TOB2: variants seen among roughly 807,000 people sequenced by gnomAD.
TOB2 encodes the protein protein Tob2.
Under a neutral mutation model 17.3 loss-of-function variants are expected in TOB2, and 3 were observed. That is an observed-to-expected ratio of 0.17 (90% CI 0.08 to 0.45). TOB2 has a LOEUF of 0.45. Among genes scored for constraint, TOB2 ranks in the 20% least tolerant of loss-of-function variants. TOB2 has a pLI of 0.99. For synonymous variants in TOB2, 163 were observed against 185.6 expected, an observed-to-expected ratio of 0.88 and a Z score of 0.99; for missense variants, 407 against 445.7, an observed-to-expected ratio of 0.91 and a Z score of 0.78.
Position 41,436,051 on chromosome 22 carries a change from AAAAAAAG to A in TOB2, c.*253_*259del, listed in dbSNP as rs1309292796. 1 of 385,258 alleles carries A rather than the reference AAAAAAAG, an allele frequency of 2.6e-6. No homozygotes were observed. Among genetic ancestry groups the A allele is most frequent in the Non-Finnish European group, 4.6e-6 (1 of 217,864 alleles). The allele number at this position is 385,258 out of a possible 1,614,324, so 23.9% of individuals were successfully genotyped here. On this transcript the variant is annotated 3_prime_UTR_variant, in exon 2 of 2. Coordinates refer to ENST00000327492, the MANE Select transcript of TOB2 (RefSeq NM_016272.4). The surrounding 1 kb of genome is among the most constrained non-coding windows in gnomAD (Gnocchi z 4.8). ...TATAGAAAACTACATGTAAGAAAAA[AAAAAAAG>A]AAAAAGAAATATAAAACCCAAACCA... is the stretch of plus-strand genomic sequence containing the variant.
intron 1 of TOB2, among the ~76,000 whole-genome samples, chr22:41,440,114 CTTTCTTTTTTTTTT>C (rs1268331712): frequency 1.8e-5 from 1 of 55,206 alleles, no homozygotes; most frequent in Non-Finnish European, 4.1e-5. Flanking sequence ...TTTTCTTTTT[CTTTCTTTTTTTTTT>C]TTTTTTTGAG....
chr22:41,445,234 C>G (rs1022540405), intron 1 of TOB2, among the ~76,000 whole-genome samples: 2 of 152,224 alleles, frequency 1.3e-5, no homozygotes, highest in Non-Finnish European at 2.9e-5. Flanking sequence ...AGCATCTTCT[C>G]ATACTAAAAT....
In TOB2 at chr22:41,437,150, G is replaced by T; in HGVS notation, c.196C>A (p.Pro66Thr). 6.2e-7 allele frequency: 1 copy of T among 1,614,064 alleles called. No homozygotes were observed. The highest frequency in any genetic ancestry group is 2.2e-5 in the East Asian group (1 of 44,870). The change falls in exon 2 of 2, where the codon CCC (proline) becomes ACC (threonine). Residue 66 changes from proline to threonine, a missense_variant. Pro to Thr is a conservative substitution (Grantham distance 38). Coordinates refer to ENST00000327492, the MANE Select transcript of TOB2 (RefSeq NM_016272.4). ...CGCTTGGCGGCCAGCTCCACCACGGGGTCCACCATCTCCCCAATGTGAACA... is the reference window on the plus strand; with the variant it reads ...CGCTTGGCGGCCAGCTCCACCACGGTGTCCACCATCTCCCCAATGTGAACA... ...RCVHIGEMVD[P>T]VVELAAKRSG...
At position 41,433,605 on chromosome 22, in the gene TOB2, C is replaced by G. The variant is rs766852985; in HGVS notation, c.*2706G>C. 19 of 236,144 alleles carry G rather than the reference C, an allele frequency of 8.0e-5. No homozygotes were observed. Among genetic ancestry groups the G allele is most frequent in the Admixed American group, 3.5e-4 (7 of 20,098 alleles). The allele number at this position is 236,144 out of a possible 1,614,324, so 14.6% of individuals were successfully genotyped here. A position where few individuals can be genotyped will look rare whatever the true frequency, so the allele number is the denominator to read the frequency against. On this transcript the variant is annotated 3_prime_UTR_variant, in exon 2 of 2. Coordinates refer to ENST00000327492, the MANE Select transcript of TOB2 (RefSeq NM_016272.4). ...TTTAAACTAAAATCTCTAAACACACCAATGTCCCATTCCAAAATATTGCAC... is the reference window on the plus strand; with the variant it reads ...TTTAAACTAAAATCTCTAAACACACGAATGTCCCATTCCAAAATATTGCAC...
chr22:41,443,101 A>G (rs944629371), intron 1 of TOB2, among the ~76,000 whole-genome samples: 16 of 152,312 alleles, frequency 1.1e-4, no homozygotes, highest in African/African-American at 3.8e-4. Flanking sequence ...TCCAGCAGCA[A>G]AGTTAAACCT....
intron 1 of TOB2, among the ~76,000 whole-genome samples, chr22:41,443,710 G>C (rs169365): frequency 7.1e-6 from 1 of 141,350 alleles, no homozygotes. Context: ...CGCAACCTCC[G>C]CCTCCCAGGT....
chr22:41,443,195 G>A (rs2037637460), intron 1 of TOB2, among the ~76,000 whole-genome samples: 3 of 152,180 alleles, frequency 2.0e-5, no homozygotes, highest in Non-Finnish European at 4.4e-5. Flanking sequence ...GGGGCGTGAA[G>A]CTCAAAAGAA....
intron 1 of TOB2, among the ~76,000 whole-genome samples, chr22:41,445,099 G>A (rs1318872707): frequency 6.6e-6 from 1 of 152,262 alleles, no homozygotes; most frequent in Non-Finnish European, 1.5e-5. Context: ...GAGGCGCCAG[G>A]CCAAGGCCAG....
At chr22:41,440,953 G>A (rs932433320) in intron 1 of TOB2, among the ~76,000 whole-genome samples, 2 of 151,750 alleles carry the variant, frequency 1.3e-5, no homozygotes, top group Admixed American at 6.6e-5. Context: ...AGTGATCCAC[G>A]TGCCTCAGCC....
In TOB2 at chr22:41,433,595, C is replaced by G. The variant is rs2037509899; in HGVS notation, c.*2716G>C. ...TTGTTTTGTTTTTAAACTAAAATCT[C>G]TAAACACACCAATGTCCCATTCCAA... On this transcript the variant is annotated 3_prime_UTR_variant, in exon 2 of 2. Transcript: ENST00000327492. The G allele has an allele frequency of 4.7e-6, 1 of 212,834 alleles. No individual in the cohort carries two copies. 13.2% of individuals were successfully genotyped at this position (212,834 alleles called of 1,614,324 possible). A position where few individuals can be genotyped will look rare whatever the true frequency, so the allele number is the denominator to read the frequency against.
At chr22:41,440,936 A>C (rs889320059) in intron 1 of TOB2, among the ~76,000 whole-genome samples, 1 of 151,786 alleles carries the variant, frequency 6.6e-6, no homozygotes, top group African/African-American at 2.4e-5. Flanking sequence ...TTGAACTCCT[A>C]CGCTCAAGTG....
Position 41,437,423 on chromosome 22 carries a change from C to A in TOB2, c.-62-16G>T. 1 of 1,521,320 alleles carries A rather than the reference C, an allele frequency of 6.6e-7. No homozygotes were observed. 94.2% of individuals were successfully genotyped at this position (1,521,320 alleles called of 1,614,324 possible). On this transcript the variant is annotated splice_polypyrimidine_tract_variant and intron_variant, in intron 1 of 1. Coordinates refer to ENST00000327492, the MANE Select transcript of TOB2 (RefSeq NM_016272.4). Reference sequence around the variant, plus strand: ...CCAGGCGGCTCTGGGAAATGAGAGGCACCGTGAGAAAATATGCAGAAAGCT... The same window carrying A: ...CCAGGCGGCTCTGGGAAATGAGAGGAACCGTGAGAAAATATGCAGAAAGCT...
intron 1 of TOB2, among the ~76,000 whole-genome samples, chr22:41,440,353 G>A (rs567691006): frequency 4.0e-4 from 61 of 151,000 alleles, no homozygotes; most frequent in African/African-American, 1.0e-3. Context: ...TGCTGACTTC[G>A]TGATCCACCC....
rs1433912745 is a variant in TOB2 at position 41,445,719 on chromosome 22, A to G, written c.-63+660T>C. Among the ~76,000 whole-genome samples the G allele has an allele frequency of 2.0e-5, 3 of 152,216 alleles. No homozygotes were observed. In the East Asian group the frequency reaches 5.8e-4, roughly 29 times the overall value. ...CCCACCTCGCAGGCACCTTACCAAG[A>G]TAAGCAGAATCCACTCACTGGCACT... On this transcript the variant is annotated intron_variant, in intron 1 of 1. Transcript: ENST00000327492.
rs1456878813 is a variant in TOB2, at chr22:41,436,060, AAAAG to A, written c.*247_*250del. The A allele has an allele frequency of 5.4e-5, 22 of 405,614 alleles. No homozygotes were observed. The highest frequency in any genetic ancestry group is 1.9e-4 in the East Asian group (5 of 26,834). The allele number at this position is 405,614 out of a possible 1,614,324, so 25.1% of individuals were successfully genotyped here. A position where few individuals can be genotyped will look rare whatever the true frequency, so the allele number is the denominator to read the frequency against. On this transcript the variant is annotated 3_prime_UTR_variant, in exon 2 of 2. Transcript: ENST00000327492. This position sits in a 1 kb window ranked among gnomAD's most constrained non-coding sequence, Gnocchi z 4.8. ...CTACATGTAAGAAAAAAAAAAAAGA[AAAAG>A]AAATATAAAACCCAAACCAACCAAA...
Position 41,436,654 on chromosome 22 carries a change from T to C in TOB2, c.692A>G (p.Lys231Arg), listed in dbSNP as rs767860568. 9.3e-6 allele frequency: 15 copies of C among 1,613,980 alleles called. No homozygotes were observed. The Admixed American group carries it at 2.2e-4, about 23-fold the overall frequency. The change falls in exon 2 of 2, where the codon AAG (lysine) becomes AGG (arginine). Residue 231 changes from lysine (K) to arginine (R), a missense_variant. Lys to Arg is a conservative substitution (Grantham distance 26, BLOSUM62 2). Transcript: ENST00000327492. The surrounding 1 kb of genome is among the most constrained non-coding windows in gnomAD (Gnocchi z 4.8). Reference sequence around the variant, plus strand: ...TGAATGCATAGACAGAGAGAGGCTCTTGTGCTTCAGCAGGCTGTTGGTGGG... The same window carrying C: ...TGAATGCATAGACAGAGAGAGGCTCCTGTGCTTCAGCAGGCTGTTGGTGGG... The part of the protein sequence containing the change: ...RSPTNSLLKH[K>R]SLSLSMHSLN...
chr22:41,438,630 CA>C (rs749494672), intron 1 of TOB2, among the ~76,000 whole-genome samples: 78 of 12,672 alleles, frequency 6.2e-3, no homozygotes, highest in African/African-American at 0.01. Flanking sequence ...AACTCTGTCT[CA>C]AAAAAAAAAA....
intron 1 of TOB2, among the ~76,000 whole-genome samples, chr22:41,440,592 A>T (rs762130310): frequency 3.0e-5 from 4 of 131,302 alleles, no homozygotes; most frequent in Non-Finnish European, 6.3e-5. Flanking sequence ...TTTTTTTGAC[A>T]TGAAGTCTCT....
chr22:41,436,509 G>A lies in TOB2; in HGVS notation c.837C>T (p.Gly279=). Residue 279 remains glycine (G), a synonymous_variant, in exon 2 of 2, where the codon GGC becomes GGT. Coordinates refer to ENST00000327492, the MANE Select transcript of TOB2 (RefSeq NM_016272.4). This position sits in a 1 kb window ranked among gnomAD's most constrained non-coding sequence, Gnocchi z 4.8. The stretch of plus-strand genomic sequence containing the variant: ...CTCCAAACGGGCCTGGGGTGCCGCT[G>A]CCCTGGCCATCGGCCGCATCAAAGA... ...SLFFDAADGQ[G]SGTPGPFGGS... The A allele has an allele frequency of 1.9e-6, 3 of 1,613,358 alleles. No individual in the cohort carries two copies. The highest frequency in any genetic ancestry group is 1.1e-5 in the South Asian group (1 of 91,004).
Sources: allele counts gnomAD v4.1 joint callset (sites outside exome capture counted in the v4.1 genomes callset), GRCh38; gene constraint gnomAD v4.1.1; non-coding constraint Gnocchi (gnomAD v3.1); transcripts MANE v1.5; gene names NCBI Gene and HGNC (gene_info 2026-07-23, HGNC 2026-07-21).